Variants in GIT2 observed in about 807,000 individuals in gnomAD.
GIT2 encodes GIT ArfGAP 2.
In GIT2, 32 loss-of-function variants were observed where a neutral mutation model predicts 100.3. The observed-to-expected ratio is 0.32, with a 90% confidence interval of 0.24 to 0.43. The LOEUF is 0.43. Among genes scored for constraint, GIT2 ranks in the 20% least tolerant of loss-of-function variants. GIT2 has a pLI of 1.00. For missense variants in GIT2, 737 were observed against 975.1 expected, an observed-to-expected ratio of 0.76 and a Z score of 3.25; for synonymous variants, 353 against 364.1, an observed-to-expected ratio of 0.97 and a Z score of 0.35.
At chr12:109,994,221 A>T (rs1285995461) in intron 1 of GIT2, among the ~76,000 whole-genome samples, 3 of 152,176 alleles carry the variant, frequency 2.0e-5, no homozygotes, top group Non-Finnish European at 4.4e-5. Flanking sequence ...AGCATCCTGG[A>T]TCAGAATCCC....
intron 7 of GIT2, among the ~76,000 whole-genome samples, chr12:109,968,705 G>C (rs761992109): frequency 2.0e-5 from 3 of 151,712 alleles, no homozygotes; most frequent in Non-Finnish European, 4.4e-5. Context: ...TTACAGGTGT[G>C]AGCCACTGTG....
intron 7 of GIT2, among the ~76,000 whole-genome samples, chr12:109,979,640 G>A (rs992846143): frequency 6.6e-6 from 1 of 152,160 alleles, no homozygotes; most frequent in Non-Finnish European, 1.5e-5. Flanking sequence ...CCTATCAGAA[G>A]TAAGACAAAC....
chr12:109,989,715 T>G lies in GIT2; in HGVS notation c.274A>C (p.Lys92Gln). ...DPASIMSGRR[K>Q]ANPQDKVHPN... is the part of the protein sequence containing the mutation. ...TGTACTTTATCCTGTGGATTAGCTT[T>G]ACGTCTTCCACTCATAATAGACGCA... is the stretch of plus-strand genomic sequence containing the variant. Residue 92 changes from lysine (K) to glutamine (Q), a missense_variant, in exon 3 of 20, where the codon AAA (lysine) becomes CAA (glutamine). Coordinates refer to ENST00000355312, the MANE Select transcript of GIT2 (RefSeq NM_057169.5). The G allele has an allele frequency of 6.4e-7, 1 of 1,555,142 alleles. No individual in the cohort carries two copies.
intron 17 of GIT2, 40 bp from the exon 18 acceptor site, chr12:109,938,608 T>A: frequency 1.4e-6 from 2 of 1,444,440 alleles, no homozygotes; most frequent in Non-Finnish European, 1.9e-6. Context: ...AGCAGGTGCT[T>A]ATCAGCTGCC....
At chr12:109,976,002 C>G (rs1355392675) in intron 7 of GIT2, among the ~76,000 whole-genome samples, 1 of 151,738 alleles carries the variant, frequency 6.6e-6, no homozygotes, top group African/African-American at 2.4e-5. Context: ...AATCTCTTGA[C>G]CTCATGATCT....
intron 3 of GIT2, 70 bp downstream of exon 3, chr12:109,989,620 T>C (rs1888026988): frequency 2.3e-6 from 2 of 880,980 alleles, no homozygotes; most frequent in Admixed American, 1.9e-5. Flanking sequence ...TGACCAAAAA[T>C]AGCTGCACTC....
Position 109,984,698 on chromosome 12 carries a change from C to T in GIT2, c.406-1004G>A, listed in dbSNP as rs141809026. 6.8e-3 allele frequency among the ~76,000 whole-genome samples: 1,038 copies of T among 152,170 alleles called. 1 individual carries two copies. Among genetic ancestry groups the T allele is most frequent in the Non-Finnish European group, 9.4e-3 (642 of 67,990 alleles). On this transcript the variant is annotated intron_variant, in intron 4 of 19. Transcript: ENST00000355312. ...ACGAGCTGAAGTGATCCTCCCACCT[C>T]GGCCTCCCAAAGTGTTGGGATTACA... is the stretch of plus-strand genomic sequence containing the variant.
chr12:109,985,124 A>G (rs1051548063), intron 4 of GIT2, among the ~76,000 whole-genome samples: 5 of 152,086 alleles, frequency 3.3e-5, no homozygotes, highest in Non-Finnish European at 7.4e-5. Context: ...ATCTAAGTTT[A>G]ATTTTTTAAA....
chr12:109,956,572 T>G (rs1449337306), intron 12 of GIT2, among the ~76,000 whole-genome samples: 1 of 152,202 alleles, frequency 6.6e-6, no homozygotes, highest in African/African-American at 2.4e-5. Context: ...AGGTCACAAA[T>G]TTTAGCAAGT....
chr12:109,996,330 G>A lies in GIT2; in HGVS notation c.-106C>T, dbSNP rs564806437. 5.8e-5 allele frequency: 44 copies of A among 754,254 alleles called. No homozygotes were observed. In the African/African-American group the frequency reaches 6.3e-4, roughly 11 times the overall value. 46.7% of individuals were successfully genotyped at this position (754,254 alleles called of 1,614,324 possible). A position where few individuals can be genotyped will look rare whatever the true frequency, so the allele number is the denominator to read the frequency against. On this transcript the variant is annotated 5_prime_UTR_variant, in exon 1 of 20. Coordinates refer to ENST00000355312, the MANE Select transcript of GIT2 (RefSeq NM_057169.5). ...GGGTCCCAGCTGCGGCGGCGCTGAC[G>A]GCGGCGCCTCTCCCCTCAGCGCCTT...
chr12:109,970,526 C>G (rs922734807), intron 7 of GIT2, among the ~76,000 whole-genome samples: 2 of 152,102 alleles, frequency 1.3e-5, no homozygotes, highest in Non-Finnish European at 2.9e-5. Context: ...CAACAAAAAA[C>G]TATCCTTCCT....
rs752151953 is a variant in GIT2 at position 109,939,195 on chromosome 12, G to C, written c.1784C>G (p.Thr595Ser). ...GCCATCTGGCTCCATGTCGTTGGGAGTGTTGTCGTAGTCACTCTCAGGTGT... is the reference window on the plus strand; with the variant it reads ...GCCATCTGGCTCCATGTCGTTGGGACTGTTGTCGTAGTCACTCTCAGGTGT... ...NSTPESDYDN[T>S]PNDMEPDGMG... The change falls in exon 17 of 20, where the codon ACT (threonine) becomes AGT (serine). Residue 595 changes from threonine (T) to serine (S), a missense_variant. Around this residue, in one of 3 missense-constraint regions of GIT2, gnomAD observed 451 missense variants for 543.7 expected, o/e 0.83. Coordinates refer to ENST00000355312, the MANE Select transcript of GIT2 (RefSeq NM_057169.5). 6.2e-7 allele frequency: 1 copy of C among 1,611,454 alleles called. No individual in the cohort carries two copies. The highest frequency in any genetic ancestry group is 8.5e-7 in the Non-Finnish European group (1 of 1,177,670).
intron 7 of GIT2, among the ~76,000 whole-genome samples, chr12:109,974,529 A>T (rs1045629026): frequency 2.6e-5 from 4 of 152,238 alleles, no homozygotes; most frequent in African/African-American, 7.2e-5. Context: ...CTGTTTCCAA[A>T]AAAAAGCAGC....
chr12:109,992,674 T>C (rs1215602553), intron 1 of GIT2, among the ~76,000 whole-genome samples: 2 of 152,010 alleles, frequency 1.3e-5, no homozygotes, highest in Non-Finnish European at 2.9e-5. Flanking sequence ...GGTTTGTTTG[T>C]CTGTTTGTTT....
At chr12:109,965,994 G>GTTTT (rs752096162) in intron 8 of GIT2, among the ~76,000 whole-genome samples, 4 of 122,406 alleles carry the variant, frequency 3.3e-5, no homozygotes, top group Admixed American at 1.7e-4. Context: ...GGTCAGGGTT[G>GTTTT]TTTTTTTTTT....
At chr12:109,944,591 T>C (rs920152634) in intron 16 of GIT2, among the ~76,000 whole-genome samples, 5 of 152,234 alleles carry the variant, frequency 3.3e-5, no homozygotes, top group Admixed American at 2.6e-4. Context: ...GCTTAATACT[T>C]ACTGCCTGAC....
At chr12:109,959,074 T>A (rs573011742) in intron 12 of GIT2, among the ~76,000 whole-genome samples, 1 of 151,980 alleles carries the variant, frequency 6.6e-6, no homozygotes, top group East Asian at 1.9e-4. Flanking sequence ...TTTTCCGTTT[T>A]TTTTTTTTTT....
chr12:109,965,401 T>C (rs909196947), intron 9 of GIT2, 125 bp downstream of exon 9: 5 of 626,416 alleles, frequency 8.0e-6, no homozygotes, highest in Non-Finnish European at 1.4e-5. Context: ...AGTCTGCTTC[T>C]AGTTTAACAA....
intron 6 of GIT2, chr12:109,981,745 A>T (rs1886356067): frequency 6.6e-6 from 1 of 152,260 alleles, no homozygotes; most frequent in Non-Finnish European, 1.5e-5. Context: ...AGATTATTAT[A>T]TGCAAGGTAC....
Sources: gnomAD v4.1 joint callset for allele counts (sites outside exome capture counted in the v4.1 genomes callset) on GRCh38, gnomAD v4.1.1 for gene constraint, gnomAD v4.1.1 regional missense constraint, MANE v1.5 for transcripts, NCBI Gene and HGNC (gene_info 2026-07-23, HGNC 2026-07-21) for gene names.